NUP88: variants seen among roughly 807,000 people sequenced by gnomAD.
NUP88 encodes nucleoporin 88.
In NUP88, 57 loss-of-function variants were observed where a neutral mutation model predicts 93.9. That is an observed-to-expected ratio of 0.61 (90% CI 0.49 to 0.76). The LOEUF is 0.76. NUP88 is among the 30% of genes least tolerant of loss of function. The pLI is 0.00. For missense variants in NUP88, 911 were observed against 901.0 expected (o/e 1.01, Z -0.14); for synonymous variants, 346 against 336.8 (o/e 1.03, Z -0.30).
chr17:5,411,592 A>C (rs968000135), intron 3 of NUP88, among the ~76,000 whole-genome samples: 2 of 151,934 alleles, frequency 1.3e-5, no homozygotes, highest in Admixed American at 6.6e-5. Flanking sequence ...AAAAAAAAAA[A>C]AAAAACCAAA....
rs776917001 is a variant in NUP88, at chr17:5,408,792, T to C, written c.798A>G (p.Pro266=). The C allele has an allele frequency of 1.9e-6, 3 of 1,613,752 alleles. No individual in the cohort carries two copies. The Admixed American group carries it at 5.0e-5, about 27-fold the overall frequency. ...CTCCATTTTCATATAAGATGTACAGTGGGTATGCCACTACTTCATCTTTGC... is the reference window on the plus strand; with the variant it reads ...CTCCATTTTCATATAAGATGTACAGCGGGTATGCCACTACTTCATCTTTGC... The part of the protein sequence containing the change: ...QNGKDEVVAY[P]LYILYENGET... Residue 266 remains proline, a synonymous_variant, in exon 5 of 17, where the codon CCA becomes CCG. Transcript: ENST00000573584.
intron 5 of NUP88, among the ~76,000 whole-genome samples, chr17:5,406,789 T>C (rs1913521301): frequency 1.4e-5 from 2 of 145,884 alleles, no homozygotes; most frequent in Admixed American, 6.8e-5. Flanking sequence ...GAAAAGAAAA[T>C]CGCAAACAAA....
chr17:5,411,991 G>T (rs932408229), intron 3 of NUP88, among the ~76,000 whole-genome samples: 3 of 152,170 alleles, frequency 2.0e-5, no homozygotes, highest in African/African-American at 7.2e-5. Context: ...GGGGAACAGT[G>T]AAAGAAAAAG....
At chr17:5,418,966 C>T (rs1290573427) in intron 1 of NUP88, among the ~76,000 whole-genome samples, 1 of 152,184 alleles carries the variant, frequency 6.6e-6, no homozygotes, top group Admixed American at 6.5e-5. Context: ...TTGAAACCTG[C>T]AACCTGACTT....
At chr17:5,389,071 T>A in intron 10 of NUP88, 111 bp from the exon 11 acceptor site, 1 of 857,034 alleles carries the variant, frequency 1.2e-6, no homozygotes, top group Non-Finnish European at 1.7e-6. Flanking sequence ...AAAGTGTAAC[T>A]TTTGTAAAAG....
intron 10 of NUP88, among the ~76,000 whole-genome samples, chr17:5,389,358 T>C (rs1329089326): frequency 6.6e-6 from 1 of 152,234 alleles, no homozygotes; most frequent in Admixed American, 6.5e-5. Context: ...CCATATTGGT[T>C]CTATATAATT....
Position 5,387,643 on chromosome 17 carries a change from CT to C in NUP88, c.1796del (p.Lys599ArgfsTer4), listed in dbSNP as rs1396162133. The C allele has an allele frequency of 6.2e-7, 1 of 1,612,942 alleles. No homozygotes were observed. Among genetic ancestry groups the C allele is most frequent in the Non-Finnish European group, 8.5e-7 (1 of 1,179,534 alleles). On this transcript the variant is annotated frameshift_variant, in exon 13 of 17. Coordinates refer to ENST00000573584, the MANE Select transcript of NUP88 (RefSeq NM_002532.6). LOFTEE classifies it high-confidence loss of function. ...AATAACTGAGATCTTCTAGTTGTTT[CT>C]TTTTTTGGTCACATAATAATTTGAC... is the stretch of plus-strand genomic sequence containing the variant. ...RRVKLLCDQK[K>X]KQLEDLSYCR...
chr17:5,396,473 T>G lies in NUP88; in HGVS notation c.1292-1492A>C, dbSNP rs962924768. ...GGAGCATGTATCAGTACTTCATTCC[T>G]TTTCATTGTTGAATAATACTCTGTT... On this transcript the variant is annotated intron_variant, in intron 8 of 16. Transcript: ENST00000573584. Among the ~76,000 whole-genome samples, 14 of 152,346 alleles carry G rather than the reference T, an allele frequency of 9.2e-5. No homozygotes were observed. The South Asian group carries it at 2.1e-3, about 23-fold the overall frequency.
intron 8 of NUP88, among the ~76,000 whole-genome samples, chr17:5,395,582 G>C (rs897168683): frequency 2.6e-5 from 4 of 151,326 alleles, no homozygotes; most frequent in African/African-American, 7.3e-5. Flanking sequence ...AGGCTGGAGC[G>C]CAGTGGCCCA....
chr17:5,399,008 T>C lies in NUP88; in HGVS notation c.1291+544A>G, dbSNP rs181819866. On this transcript the variant is annotated intron_variant, in intron 8 of 16. Transcript: ENST00000573584. ...GGTTCACACCATTCTCCTGCCTCAG[T>C]CTCCCGAGTAGCTGGGACTACAGGC... 3.1e-3 allele frequency among the ~76,000 whole-genome samples: 461 copies of C among 150,236 alleles called. 1 individual carries two copies. The highest frequency in any genetic ancestry group is 0.011 in the African/African-American group (439 of 40,892).
In NUP88 at chr17:5,419,640, G is replaced by C. The variant is rs1262177708; in HGVS notation, c.11C>G (p.Ala4Gly). The C allele has an allele frequency of 4.4e-6, 7 of 1,589,718 alleles. No individual in the cohort carries two copies. The Admixed American group carries it at 1.2e-4, about 27-fold the overall frequency. ...CTCGCCGTCGCCCACCGGTCCCTCGGCGGCCGCCATCTTGGCCCAACTGCT... is the reference window on the plus strand; with the variant it reads ...CTCGCCGTCGCCCACCGGTCCCTCGCCGGCCGCCATCTTGGCCCAACTGCT... MAA[A>G]EGPVGDGELW... Residue 4 changes from alanine to glycine, a missense_variant, in exon 1 of 17, where the codon GCC (alanine) becomes GGC (glycine). By Grantham distance (60) the Ala-to-Gly change is moderately conservative (BLOSUM62 0). Coordinates refer to ENST00000573584, the MANE Select transcript of NUP88 (RefSeq NM_002532.6).
chr17:5,402,051 T>C (rs1214380001), intron 7 of NUP88, among the ~76,000 whole-genome samples: 1 of 152,214 alleles, frequency 6.6e-6, no homozygotes, highest in Non-Finnish European at 1.5e-5. Context: ...GCATGGTGGT[T>C]TATGCCTAAA....
chr17:5,392,162 C>T (rs1030481085), intron 9 of NUP88, among the ~76,000 whole-genome samples: 1 of 152,206 alleles, frequency 6.6e-6, no homozygotes, highest in Admixed American at 6.5e-5. Flanking sequence ...AACTGTCATT[C>T]TGCCAACATG....
intron 9 of NUP88, among the ~76,000 whole-genome samples, chr17:5,394,601 G>A (rs1912650926): frequency 6.6e-6 from 1 of 152,132 alleles, no homozygotes; most frequent in African/African-American, 2.4e-5. Flanking sequence ...GTGAAGAAGT[G>A]ACATTAAGAT....
intron 8 of NUP88, 46 bp from the exon 9 acceptor site, chr17:5,395,027 C>T: frequency 8.5e-7 from 1 of 1,181,270 alleles, no homozygotes; most frequent in African/African-American, 1.5e-5. Flanking sequence ...TTAGACAAGT[C>T]TCCAAATTAA....
chr17:5,388,052 G>C, intron 11 of NUP88, 148 bp from the exon 12 acceptor site: 7 of 753,092 alleles, frequency 9.3e-6, no homozygotes, highest in African/African-American at 1.8e-5. Context: ...CCAGGCTGGA[G>C]TGCATTGGTG....
chr17:5,416,552 T>A lies in NUP88; in HGVS notation c.428A>T (p.Asn143Ile). Residue 143 changes from asparagine (N) to isoleucine (I), a missense_variant, in exon 2 of 17, where the codon AAT (asparagine) becomes ATT (isoleucine). By Grantham distance (149) the Asn-to-Ile change is moderately radical. Coordinates refer to ENST00000573584, the MANE Select transcript of NUP88 (RefSeq NM_002532.6). ...TGATTTTCCACCTTCAAATTCAGAATTCTTCCCCCATCTTTTAGGTAATTC... is the reference window on the plus strand; with the variant it reads ...TGATTTTCCACCTTCAAATTCAGAAATCTTCCCCCATCTTTTAGGTAATTC... Reference protein sequence around the residue: ...VLELPKRWGKNSEFEGGKSTV... With the variant: ...VLELPKRWGKISEFEGGKSTV... 1 of 1,611,784 alleles carries A rather than the reference T, an allele frequency of 6.2e-7. No homozygotes were observed.
intron 5 of NUP88, among the ~76,000 whole-genome samples, 157 bp from the exon 6 acceptor site, chr17:5,405,400 C>T (rs1913436459): frequency 6.6e-6 from 1 of 152,114 alleles, no homozygotes; most frequent in African/African-American, 2.4e-5. Flanking sequence ...CCACTCAGAT[C>T]CCACCACTCT....
At position 5,416,629 on chromosome 17, in the gene NUP88, G is replaced by T; in HGVS notation, c.351C>A (p.Ser117Arg). Residue 117 changes from serine to arginine, a missense_variant, in exon 2 of 17, where the codon AGC becomes AGA. By Grantham distance (110) the Ser-to-Arg change is moderately radical. Coordinates refer to ENST00000573584, the MANE Select transcript of NUP88 (RefSeq NM_002532.6). Reference sequence around the variant, plus strand: ...TAAGTGCTACATGATGTTGTGTTGGGCTTAACAAGACTTGATAGATTTCAA... The same window carrying T: ...TAAGTGCTACATGATGTTGTGTTGGTCTTAACAAGACTTGATAGATTTCAA... ...PLFEIYQVLL[S>R]PTQHHVALIG... is the part of the protein sequence containing the mutation. 1.9e-6 allele frequency: 3 copies of T among 1,611,892 alleles called. No homozygotes were observed. Among genetic ancestry groups the T allele is most frequent in the Non-Finnish European group, 2.5e-6 (3 of 1,179,292 alleles).
Sources: gnomAD v4.1 joint callset for allele counts (sites outside exome capture counted in the v4.1 genomes callset) on GRCh38, gnomAD v4.1.1 for gene constraint, MANE v1.5 for transcripts, NCBI Gene and HGNC (gene_info 2026-07-23, HGNC 2026-07-21) for gene names.